The following AP4E1 variants were observed in gnomAD, a reference collection of about 807,000 sequenced individuals.
AP4E1 encodes the protein AP-4 complex subunit epsilon-1.
A neutral mutation model predicts 128.2 loss-of-function variants in AP4E1; 56 were observed. The ratio of observed to expected loss-of-function variants is 0.44; its 90% CI spans 0.35 to 0.55. The LOEUF (loss-of-function observed/expected upper bound fraction) is 0.55, where lower values mean the gene tolerates loss of function less well. Ranked by LOEUF, AP4E1 falls within the 20% of genes least tolerant of loss-of-function variation. The pLI, the probability that AP4E1 is intolerant of heterozygous loss-of-function variation, is 0.00. For missense variants in AP4E1, 1,324 were observed against 1,307.7 expected (o/e 1.01, Z -0.19); for synonymous variants, 484 against 473.1 (o/e 1.02, Z -0.30).
intron 15 of AP4E1, among the ~76,000 whole-genome samples, chr15:50,980,752 C>T (rs1429226147): frequency 3.9e-5 from 6 of 152,160 alleles, no homozygotes; most frequent in Non-Finnish European, 7.3e-5. Flanking sequence ...TCTCTGCTCC[C>T]TGTGTTCTGG....
At position 50,915,416 on chromosome 15, in the gene AP4E1, T is replaced by C. The variant is rs202173114; in HGVS notation, c.223-32T>C. 1.0e-4 allele frequency: 164 copies of C among 1,600,740 alleles called. No individual in the cohort carries two copies. The African/African-American group carries it at 1.9e-3, about 19-fold the overall frequency. ...TAAAACAATCTAAATATTCTGTTTA[T>C]TTATACAGCTACTGGATATTTTGCT... On this transcript the variant is annotated intron_variant, in intron 2 of 20. Coordinates refer to ENST00000261842, the MANE Select transcript of AP4E1 (RefSeq NM_007347.5).
chr15:50,968,850 T>TG (rs2064433930), intron 15 of AP4E1, among the ~76,000 whole-genome samples: 1 of 121,198 alleles, frequency 8.3e-6, no homozygotes, highest in African/African-American at 2.9e-5. Context: ...GGTTTCAAAC[T>TG]TCGGCCTCAA....
chr15:50,943,983 A>G (rs1260520810), intron 10 of AP4E1, among the ~76,000 whole-genome samples: 1 of 152,210 alleles, frequency 6.6e-6, no homozygotes, highest in Non-Finnish European at 1.5e-5. Context: ...GCAAAACCAC[A>G]GATAGGGGGT....
At chr15:50,949,534 TC>T (rs1436070950) in intron 11 of AP4E1, among the ~76,000 whole-genome samples, 1 of 152,220 alleles carries the variant, frequency 6.6e-6, no homozygotes, top group Non-Finnish European at 1.5e-5. Context: ...ATTATTTGCA[TC>T]TAGTTAGCTG....
At chr15:50,908,973 C>T in intron 1 of AP4E1, 45 bp downstream of exon 1, 1 of 1,604,898 alleles carries the variant, frequency 6.2e-7, no homozygotes, top group Non-Finnish European at 8.5e-7. Flanking sequence ...CGGAGTGAGG[C>T]CCCCGCGCCA....
chr15:50,994,726 C>T (rs2064847175), intron 17 of AP4E1, among the ~76,000 whole-genome samples: 3 of 152,216 alleles, frequency 2.0e-5, no homozygotes, highest in Admixed American at 6.5e-5. Flanking sequence ...CAGATTACAC[C>T]CAGGCTCATG....
intron 15 of AP4E1, among the ~76,000 whole-genome samples, chr15:50,979,531 T>C (rs2064608194): frequency 6.6e-6 from 1 of 152,202 alleles, no homozygotes; most frequent in African/African-American, 2.4e-5. Flanking sequence ...TTCTTTTTCT[T>C]TTCTTTTTTT....
At chr15:50,985,271 C>A (rs2064704371) in intron 16 of AP4E1, among the ~76,000 whole-genome samples, 1 of 152,140 alleles carries the variant, frequency 6.6e-6, no homozygotes, top group Non-Finnish European at 1.5e-5. Context: ...CCTGTTCACT[C>A]TGATGTTAGT....
At chr15:50,997,915 C>A in intron 18 of AP4E1, 32 bp downstream of exon 18, 1 of 1,526,970 alleles carries the variant, frequency 6.5e-7, no homozygotes, top group South Asian at 1.2e-5. Flanking sequence ...GTTTTATTTT[C>A]AGTGTATATT....
intron 13 of AP4E1, among the ~76,000 whole-genome samples, chr15:50,958,009 A>G (rs1293858902): frequency 6.6e-6 from 1 of 151,960 alleles, no homozygotes; most frequent in Non-Finnish European, 1.5e-5. Context: ...TGGAATGTCT[A>G]CATCAGAATC....
intron 5 of AP4E1, among the ~76,000 whole-genome samples, chr15:50,926,637 C>G (rs552086396): frequency 6.0e-5 from 9 of 148,974 alleles, no homozygotes; most frequent in Non-Finnish European, 1.3e-4. Flanking sequence ...CTTGCTCGGT[C>G]GCCCAGGCTG....
intron 15 of AP4E1, among the ~76,000 whole-genome samples, chr15:50,977,521 T>A (rs561625541): frequency 6.6e-6 from 1 of 152,118 alleles, no homozygotes; most frequent in South Asian, 2.1e-4. Context: ...GAGACTGTTA[T>A]AGAAAAGGAA....
chr15:50,938,560 A>G (rs2063940121), intron 8 of AP4E1, among the ~76,000 whole-genome samples: 1 of 152,140 alleles, frequency 6.6e-6, no homozygotes, highest in African/African-American at 2.4e-5. Context: ...TTACGCTGTC[A>G]GAGGTGACTT....
chr15:50,908,581 C>T (rs928805961), upstream of AP4E1: 5 of 622,388 alleles, frequency 8.0e-6, no homozygotes, highest in African/African-American at 9.8e-5. Context: ...CGGCCTTTTC[C>T]ACCCCCGCGG....
At chr15:50,958,094 A>C (rs2064255554) in intron 13 of AP4E1, among the ~76,000 whole-genome samples, 1 of 152,168 alleles carries the variant, frequency 6.6e-6, no homozygotes, top group South Asian at 2.1e-4. Flanking sequence ...GGTGGAGCCT[A>C]GAAATCTGTA....
rs1476315324 is a variant in AP4E1, at chr15:51,003,211, T to C, written c.*549T>C. ...AACAGTTGTAGGAGATCCATGAGCA[T>C]GCTGGATATTGAGGGGATCCAATCT... is the stretch of plus-strand genomic sequence containing the variant. On this transcript the variant is annotated 3_prime_UTR_variant, in exon 21 of 21. Coordinates refer to ENST00000261842, the MANE Select transcript of AP4E1 (RefSeq NM_007347.5). 2.6e-5 allele frequency: 4 copies of C among 154,128 alleles called. No individual in the cohort carries two copies. The highest frequency in any genetic ancestry group is 5.8e-5 in the Non-Finnish European group (4 of 69,078). 9.5% of individuals were successfully genotyped at this position (154,128 alleles called of 1,614,324 possible).
Position 50,984,064 on chromosome 15 carries a change from G to T in AP4E1, c.2009G>T (p.Gly670Val), listed in dbSNP as rs1434028852. 1 of 1,613,174 alleles carries T rather than the reference G, an allele frequency of 6.2e-7. No individual in the cohort carries two copies. The highest frequency in any genetic ancestry group is 1.7e-5 in the Admixed American group (1 of 59,968). The change falls in exon 16 of 21, where the codon GGC becomes GTC. Residue 670 changes from glycine to valine, a missense_variant. Transcript: ENST00000261842. Reference sequence around the variant, plus strand: ...TATGGACTCTCCTTTTCTTCATCTGGCTTCACTGGACGACAGTCTCCTGCT... The same window carrying T: ...TATGGACTCTCCTTTTCTTCATCTGTCTTCACTGGACGACAGTCTCCTGCT... ...EPYGLSFSSS[G>V]FTGRQSPAGI...
chr15:50,926,892 C>T (rs1366915576), intron 5 of AP4E1, among the ~76,000 whole-genome samples: 1 of 152,146 alleles, frequency 6.6e-6, no homozygotes, highest in African/African-American at 2.4e-5. Flanking sequence ...GCCCGGCCAA[C>T]TTGTATACTT....
intron 1 of AP4E1, among the ~76,000 whole-genome samples, chr15:50,909,598 A>G (rs778560914): frequency 2.0e-5 from 3 of 152,248 alleles, no homozygotes; most frequent in Non-Finnish European, 4.4e-5. Flanking sequence ...TTAAATTTTT[A>G]TTGACGGAGT....
Sources: gnomAD v4.1 joint callset for allele counts (sites outside exome capture counted in the v4.1 genomes callset) on GRCh38, gnomAD v4.1.1 for gene constraint, MANE v1.5 for transcripts, NCBI Gene and HGNC (gene_info 2026-07-23, HGNC 2026-07-21) for gene names.